Variants in ADAMTSL1 observed in about 807,000 individuals in gnomAD.
ADAMTSL1 encodes the protein ADAMTS like 1.
A neutral mutation model predicts 201.8 loss-of-function variants in ADAMTSL1; 126 were observed. That is an observed-to-expected ratio of 0.62 (90% CI 0.54 to 0.72). ADAMTSL1 has a LOEUF of 0.72. ADAMTSL1 is among the 30% of genes least tolerant of loss of function. The pLI is 0.00. For missense variants in ADAMTSL1, 2,679 were observed against 2,277.8 expected, an observed-to-expected ratio of 1.18 and a Z score of -3.59; for synonymous variants, 1,121 against 903.4, an observed-to-expected ratio of 1.24 and a Z score of -4.32.
At chr9:17,982,366 G>A (rs1333214965) in intron 1 of ADAMTSL1, among the ~76,000 whole-genome samples, 2 of 152,174 alleles carry the variant, frequency 1.3e-5, no homozygotes, top group African/African-American at 2.4e-5. Flanking sequence ...TGTAATCCCA[G>A]CACTTTGGGA....
chr9:18,128,484 T>C (rs1825825932), intron 1 of ADAMTSL1, among the ~76,000 whole-genome samples: 1 of 152,102 alleles, frequency 6.6e-6, no homozygotes, highest in African/African-American at 2.4e-5. Flanking sequence ...CACCTCAGTC[T>C]ACCGAGTAGC....
chr9:18,867,646 T>C (rs1250174567), intron 23 of ADAMTSL1, among the ~76,000 whole-genome samples: 1 of 152,118 alleles, frequency 6.6e-6, no homozygotes, highest in African/African-American at 2.4e-5. Context: ...CTTTTTTTTT[T>C]AGATGGAGTC....
At chr9:18,845,970 C>G (rs1402526226) in intron 23 of ADAMTSL1, among the ~76,000 whole-genome samples, 1 of 152,108 alleles carries the variant, frequency 6.6e-6, no homozygotes, top group African/African-American at 2.4e-5. Context: ...GATAAAGGGC[C>G]TAGGAAAGCA....
intron 2 of ADAMTSL1, among the ~76,000 whole-genome samples, chr9:18,235,374 G>C (rs998932319): frequency 2.0e-5 from 3 of 152,092 alleles, no homozygotes; most frequent in Non-Finnish European, 4.4e-5. Flanking sequence ...CTATCAATAC[G>C]ACTCATCATA....
intron 23 of ADAMTSL1, among the ~76,000 whole-genome samples, chr9:18,873,741 A>G (rs1483730751): frequency 6.6e-6 from 1 of 151,804 alleles, no homozygotes; most frequent in Non-Finnish European, 1.5e-5. Flanking sequence ...ATGCCTCCAG[A>G]TTTGTTCTTT....
Position 18,776,430 on chromosome 9 carries a change from C to T in ADAMTSL1, c.2552-351C>T, listed in dbSNP as rs372331167. On this transcript the variant is annotated intron_variant, in intron 18 of 28. Coordinates refer to ENST00000380548, the MANE Select transcript of ADAMTSL1 (RefSeq NM_001040272.6). ...TATTTTAATGAGAGGAAATGCTTTC[C>T]CCCGGGATCCCCCTCCATCTAGAAC... is the stretch of plus-strand genomic sequence containing the variant. 7.2e-5 allele frequency among the ~76,000 whole-genome samples: 11 copies of T among 152,212 alleles called. No individual in the cohort carries two copies. In the East Asian group the frequency reaches 1.4e-3, roughly 19 times the overall value.
At chr9:18,348,854 T>C (rs1835840202) in intron 2 of ADAMTSL1, among the ~76,000 whole-genome samples, 1 of 152,196 alleles carries the variant, frequency 6.6e-6, no homozygotes, top group Non-Finnish European at 1.5e-5. Flanking sequence ...AAATGTGTAT[T>C]ATTACAGTGA....
intron 1 of ADAMTSL1, among the ~76,000 whole-genome samples, chr9:17,978,583 C>T (rs930173292): frequency 2.0e-5 from 3 of 151,598 alleles, no homozygotes; most frequent in Admixed American, 6.6e-5. Context: ...TTATTTCTCC[C>T]TCCACATTTT....
chr9:18,843,953 T>G (rs924826839), intron 23 of ADAMTSL1, among the ~76,000 whole-genome samples: 1 of 152,144 alleles, frequency 6.6e-6, no homozygotes, highest in Non-Finnish European at 1.5e-5. Flanking sequence ...TTTTTCAAAG[T>G]TTTCAACTTC....
intron 2 of ADAMTSL1, among the ~76,000 whole-genome samples, chr9:18,293,768 C>A (rs1587488613): frequency 6.6e-6 from 1 of 152,144 alleles, no homozygotes; most frequent in South Asian, 2.1e-4. Context: ...GATGTATTAC[C>A]TTCTGCCCAT....
intron 1 of ADAMTSL1, among the ~76,000 whole-genome samples, chr9:18,018,806 G>A (rs1820364135): frequency 6.6e-6 from 1 of 152,036 alleles, no homozygotes; most frequent in Admixed American, 6.6e-5. Flanking sequence ...GATAATGTTT[G>A]CTGTTTTAAG....
At chr9:18,210,895 A>G (rs1269397599) in intron 2 of ADAMTSL1, among the ~76,000 whole-genome samples, 2 of 152,068 alleles carry the variant, frequency 1.3e-5, no homozygotes, top group African/African-American at 4.8e-5. Context: ...ATAGAGTTTA[A>G]AGGCTGTCTA....
intron 23 of ADAMTSL1, among the ~76,000 whole-genome samples, chr9:18,854,370 A>G (rs1826711600): frequency 6.6e-6 from 1 of 152,146 alleles, no homozygotes; most frequent in African/African-American, 2.4e-5. Context: ...AGAAAAAGAG[A>G]AAGGTATGGT....
intron 4 of ADAMTSL1, among the ~76,000 whole-genome samples, chr9:18,580,107 T>C (rs1002942172): frequency 3.3e-5 from 5 of 152,198 alleles, no homozygotes; most frequent in African/African-American, 1.2e-4. Flanking sequence ...ATTTATAATA[T>C]TGCTTATTGC....
chr9:18,906,636 G>C (rs1830324382), intron 27 of ADAMTSL1, 56 bp from the exon 28 acceptor site: 13 of 1,397,534 alleles, frequency 9.3e-6, no homozygotes, highest in Non-Finnish European at 1.2e-5. Context: ...TTTCACATCT[G>C]CCCTGATTCA....
At chr9:18,848,534 A>G (rs1826278369) in intron 23 of ADAMTSL1, among the ~76,000 whole-genome samples, 1 of 152,132 alleles carries the variant, frequency 6.6e-6, no homozygotes, top group African/African-American at 2.4e-5. Context: ...AGCCTCATGT[A>G]ACTTCCATGC....
intron 1 of ADAMTSL1, among the ~76,000 whole-genome samples, chr9:18,010,044 T>G (rs146293635): frequency 2.0e-5 from 3 of 152,160 alleles, no homozygotes; most frequent in African/African-American, 7.2e-5. Context: ...GAATAATGCT[T>G]TCTCATCCCA....
intron 1 of ADAMTSL1, among the ~76,000 whole-genome samples, chr9:18,091,506 C>CA (rs1247308015): frequency 1.3e-5 from 2 of 152,242 alleles, no homozygotes; most frequent in East Asian, 3.9e-4. Flanking sequence ...CTCTGTAAAT[C>CA]AGGACCTTCC....
intron 2 of ADAMTSL1, among the ~76,000 whole-genome samples, chr9:18,377,185 A>G (rs1837333998): frequency 6.6e-6 from 1 of 152,218 alleles, no homozygotes; most frequent in African/African-American, 2.4e-5. Flanking sequence ...CGCGTCATTT[A>G]CTAGCTGTGT....
Sources: gnomAD v4.1 joint callset for allele counts (sites outside exome capture counted in the v4.1 genomes callset) on GRCh38, gnomAD v4.1.1 for gene constraint, MANE v1.5 for transcripts, NCBI Gene and HGNC (gene_info 2026-07-23, HGNC 2026-07-21) for gene names.